The following CDH6 variants were observed in gnomAD, a reference collection of about 807,000 sequenced individuals.
CDH6 encodes cadherin 6, also known as cadherin-6.
In CDH6, 31 loss-of-function variants were observed where a neutral mutation model predicts 78.0. The ratio of observed to expected loss-of-function variants is 0.40; its 90% confidence interval spans 0.30 to 0.54. CDH6 has a LOEUF of 0.54. Ranked by LOEUF, CDH6 falls within the 20% of genes least tolerant of loss-of-function variation. CDH6 has a pLI of 0.56. For missense variants in CDH6, 724 were observed against 975.9 expected, an observed-to-expected ratio of 0.74 and a Z score of 3.44; for synonymous variants, 376 against 368.8, an observed-to-expected ratio of 1.02 and a Z score of -0.23.
chr5:31,265,276 A>T (rs1742309213), intron 1 of CDH6, among the ~76,000 whole-genome samples: 1 of 152,148 alleles, frequency 6.6e-6, no homozygotes, highest in Non-Finnish European at 1.5e-5. Flanking sequence ...TACCTAATTG[A>T]TCGTCAGTCA....
chr5:31,215,405 A>G (rs1180225972), intron 1 of CDH6, among the ~76,000 whole-genome samples: 2 of 152,214 alleles, frequency 1.3e-5, no homozygotes, highest in Non-Finnish European at 2.9e-5. Context: ...CTGGAAGCCA[A>G]TTCAGTTCTA....
At chr5:31,234,127 A>T (rs1741390087) in intron 1 of CDH6, among the ~76,000 whole-genome samples, 1 of 152,220 alleles carries the variant, frequency 6.6e-6, no homozygotes, top group African/African-American at 2.4e-5. Context: ...AAGTCTGAAA[A>T]TATTTAAATG....
intron 6 of CDH6, 131 bp from the exon 7 acceptor site, chr5:31,305,040 CACA>C (rs1737939468): frequency 3.3e-6 from 3 of 910,322 alleles, no homozygotes; most frequent in Admixed American, 4.8e-5. Context: ...CCCAATATCA[CACA>C]AATGTGTTTC....
chr5:31,302,964 A>AAAGAAAGAAAGAAAAG (rs1238222776), intron 6 of CDH6, among the ~76,000 whole-genome samples: 2 of 111,682 alleles, frequency 1.8e-5, no homozygotes, highest in African/African-American at 6.6e-5. Context: ...AGAAGGAAAG[A>AAAGAAAGAAAGAAAAG]AAAGAAAGAA....
chr5:31,254,707 C>T (rs1371594405), intron 1 of CDH6, among the ~76,000 whole-genome samples: 1 of 152,118 alleles, frequency 6.6e-6, no homozygotes, highest in African/African-American at 2.4e-5. Context: ...ATAATTAGTG[C>T]GATGTGCGCA....
chr5:31,304,396 G>A lies in CDH6; in HGVS notation c.1000-778G>A, dbSNP rs1044311759. On this transcript the variant is annotated intron_variant, in intron 6 of 11. Coordinates refer to ENST00000265071, the MANE Select transcript of CDH6 (RefSeq NM_004932.4). ...TTAAACACTCATCAGTGCAATTAAA[G>A]CCAGATATGGCCAGGCACCGTGGCT... Among the ~76,000 whole-genome samples, 4 of 152,048 alleles carry A rather than the reference G, an allele frequency of 2.6e-5. No individual in the cohort carries two copies. The East Asian group carries it at 7.7e-4, about 29-fold the overall frequency.
intron 1 of CDH6, among the ~76,000 whole-genome samples, chr5:31,202,403 G>A (rs1740378019): frequency 6.6e-6 from 1 of 152,164 alleles, no homozygotes. Context: ...GGGAGGCCAA[G>A]GCAGGCGGAT....
chr5:31,267,420 G>T lies in CDH6; in HGVS notation c.-54G>T. 5 of 1,328,748 alleles carry T rather than the reference G, an allele frequency of 3.8e-6. No individual in the cohort carries two copies. Among genetic ancestry groups the T allele is most frequent in the South Asian group, 1.2e-5 (1 of 84,820 alleles). 82.3% of individuals were successfully genotyped at this position (1,328,748 alleles called of 1,614,324 possible). On this transcript the variant is annotated 5_prime_UTR_variant, in exon 2 of 12. It adds an upstream start codon to the 5' untranslated region. Coordinates refer to ENST00000265071, the MANE Select transcript of CDH6 (RefSeq NM_004932.4). ...AGGCTGGATACGGTGCAGTGAAAAAGGCACTTCCAAGAGTGGGGCACTCAC... is the reference window on the plus strand; with the variant it reads ...AGGCTGGATACGGTGCAGTGAAAAATGCACTTCCAAGAGTGGGGCACTCAC...
rs201799484 is a variant in CDH6 at position 31,203,852 on chromosome 5, A to C, written c.-129+9966A>C. On this transcript the variant is annotated intron_variant, in intron 1 of 11. Coordinates refer to ENST00000265071, the MANE Select transcript of CDH6 (RefSeq NM_004932.4). ...ACTTCCACAATGGTTGAACTAGTTT[A>C]CAGTCCCACCAACAGTGTAAAAGTG... Among the ~76,000 whole-genome samples the C allele has an allele frequency of 5.7e-4, 87 of 151,946 alleles. 2 individuals carry two copies. The East Asian group carries it at 0.015, about 26-fold the overall frequency.
intron 2 of CDH6, among the ~76,000 whole-genome samples, chr5:31,293,432 A>T (rs1310386818): frequency 6.6e-6 from 1 of 152,168 alleles, no homozygotes; most frequent in Non-Finnish European, 1.5e-5. Flanking sequence ...TAAAGACTCA[A>T]GGAGGTTGCC....
At chr5:31,251,101 A>G (rs916257061) in intron 1 of CDH6, 2 of 152,270 alleles carry the variant, frequency 1.3e-5, no homozygotes, top group African/African-American at 4.8e-5. Flanking sequence ...GATACCAAGA[A>G]GGACAAACAA....
At chr5:31,256,865 G>A (rs1352062104) in intron 1 of CDH6, among the ~76,000 whole-genome samples, 3 of 152,176 alleles carry the variant, frequency 2.0e-5, no homozygotes, top group Admixed American at 6.5e-5. Context: ...CTGGGTATGA[G>A]CACATCGGCC....
At position 31,267,412 on chromosome 5, in the gene CDH6, G is replaced by GTTTC. The variant is rs1742392109; in HGVS notation, c.-61_-60insTTCT. ...GAGGAATGAGGCTGGATACGGTGCAGTGAAAAAGGCACTTCCAAGAGTGGG... is the reference window on the plus strand; with the variant it reads ...GAGGAATGAGGCTGGATACGGTGCAGTTTCTGAAAAAGGCACTTCCAAGAGTGGG... On this transcript the variant is annotated 5_prime_UTR_variant, in exon 2 of 12. An upstream open reading frame in the 5' UTR loses its in-frame stop. Coordinates refer to ENST00000265071, the MANE Select transcript of CDH6 (RefSeq NM_004932.4). 1 of 1,230,992 alleles carries GTTTC rather than the reference G, an allele frequency of 8.1e-7. No individual in the cohort carries two copies. Among genetic ancestry groups the GTTTC allele is most frequent in the African/African-American group, 1.5e-5 (1 of 66,994 alleles). The allele number at this position is 1,230,992 out of a possible 1,614,324, so 76.3% of individuals were successfully genotyped here. A position where few individuals can be genotyped will look rare whatever the true frequency, so the allele number is the denominator to read the frequency against.
At chr5:31,249,484 G>C (rs1741849990) in intron 1 of CDH6, 1 of 152,226 alleles carries the variant, frequency 6.6e-6, no homozygotes, top group Non-Finnish European at 1.5e-5. Flanking sequence ...CCTACAAGGA[G>C]AGTTTCCCCA....
At position 31,282,921 on chromosome 5, in the gene CDH6, A is replaced by T. The variant is rs183765495; in HGVS notation, c.229-11041A>T. ...AGTAGGGTTATACTGAATCTCTGCA[A>T]ATACAGATCCCTTATGGTATTATTT... On this transcript the variant is annotated intron_variant, in intron 2 of 11. Coordinates refer to ENST00000265071, the MANE Select transcript of CDH6 (RefSeq NM_004932.4). 3.7e-3 allele frequency among the ~76,000 whole-genome samples: 562 copies of T among 152,318 alleles called. 15 individuals carry two copies. The highest frequency in any genetic ancestry group is 0.018 in the East Asian group (95 of 5,178).
chr5:31,260,543 T>C (rs1156644870), intron 1 of CDH6, among the ~76,000 whole-genome samples: 1 of 152,244 alleles, frequency 6.6e-6, no homozygotes, highest in African/African-American at 2.4e-5. Flanking sequence ...TTATGTGCTG[T>C]AACACATTGG....
intron 1 of CDH6, among the ~76,000 whole-genome samples, chr5:31,212,355 AT>A (rs1740731256): frequency 6.6e-6 from 1 of 152,104 alleles, no homozygotes; most frequent in African/African-American, 2.4e-5. Flanking sequence ...TTTTTAAAAA[AT>A]TTTTCATTAA....
At chr5:31,216,043 T>C (rs999665569) in intron 1 of CDH6, among the ~76,000 whole-genome samples, 6 of 152,260 alleles carry the variant, frequency 3.9e-5, no homozygotes, top group African/African-American at 1.4e-4. Flanking sequence ...GGTCTTAAGG[T>C]GTTTTAAAGT....
chr5:31,241,189 G>T (rs557870977), intron 1 of CDH6, among the ~76,000 whole-genome samples: 21 of 152,134 alleles, frequency 1.4e-4, no homozygotes, highest in Non-Finnish European at 2.4e-4. Context: ...ATCTTTGCTG[G>T]CCATCAATAC....
Sources: allele counts gnomAD v4.1 joint callset (sites outside exome capture counted in the v4.1 genomes callset), GRCh38; gene constraint gnomAD v4.1.1; transcripts MANE v1.5; gene names NCBI Gene and HGNC (gene_info 2026-07-23, HGNC 2026-07-21).